The following SRPX variants were observed in gnomAD, a reference collection of about 807,000 sequenced individuals.
SRPX encodes the protein sushi repeat containing protein X-linked.
A neutral mutation model predicts 38.1 loss-of-function variants in SRPX; 24 were observed. That is an observed-to-expected ratio of 0.63 (90% CI 0.46 to 0.89). SRPX has a LOEUF of 0.89. Among genes scored for constraint, SRPX ranks in the 40% least tolerant of loss-of-function variants. The pLI, the probability that SRPX is intolerant of heterozygous loss-of-function variation, is 0.00. For missense variants in SRPX, 416 were observed against 377.8 expected (o/e 1.10, Z -0.84); for synonymous variants, 184 against 153.8 (o/e 1.20, Z -1.45).
At chrX:38,182,756 A>G (rs1938695265) in intron 1 of SRPX, among the ~76,000 whole-genome samples, 1 of 111,732 alleles carries the variant, frequency 8.9e-6, no homozygotes, top group Admixed American at 9.5e-5. Context: ...GCTATTGTGT[A>G]AGGATAAACG....
chrX:38,220,866 G>A lies in SRPX; in HGVS notation c.-74C>T, dbSNP rs1028496065. On this transcript the variant is annotated 5_prime_UTR_variant, in exon 1 of 10. Coordinates refer to ENST00000378533, the MANE Select transcript of SRPX (RefSeq NM_006307.5). ...GGCGGCAGGAGACCGAAGAGACCAAGGGACTGCGTGCTAGCGGGCGGGCGA... is the reference window on the plus strand; with the variant it reads ...GGCGGCAGGAGACCGAAGAGACCAAAGGACTGCGTGCTAGCGGGCGGGCGA... The A allele has an allele frequency of 2.3e-5, 24 of 1,047,470 alleles. No individual in the cohort carries two copies. The East Asian group carries it at 8.9e-4, about 39-fold the overall frequency. 86.3% of individuals were successfully genotyped at this position (1,047,470 alleles called of 1,213,427 possible).
At chrX:38,194,875 T>G (rs1303966606) in intron 1 of SRPX, among the ~76,000 whole-genome samples, 3 of 88,662 alleles carry the variant, frequency 3.4e-5, no homozygotes, top group Non-Finnish European at 6.7e-5. Flanking sequence ...TTTTTTTTTT[T>G]TTTTTTTTTT....
At chrX:38,174,037 G>T in intron 3 of SRPX, 123 bp downstream of exon 3, 1 of 489,172 alleles carries the variant, frequency 2.0e-6, no homozygotes, top group Non-Finnish European at 3.0e-6. Flanking sequence ...AATCCCCCTG[G>T]TGTCCCCCTG....
intron 8 of SRPX, among the ~76,000 whole-genome samples, chrX:38,155,129 A>G (rs1324450146): frequency 8.9e-6 from 1 of 111,747 alleles, no homozygotes. Flanking sequence ...GGCAATAAAA[A>G]AAAAAAAAGT....
chrX:38,220,787 C>G lies in SRPX; in HGVS notation c.6G>C (p.Gly2=), dbSNP rs1239209817. ...GCAGCGCGGGCCGATGTGCGGGGCTCCCCATGGCGAGCGGGCGCTTAGCTC... is the reference window on the plus strand; with the variant it reads ...GCAGCGCGGGCCGATGTGCGGGGCTGCCCATGGCGAGCGGGCGCTTAGCTC... The part of the protein sequence containing the change: M[G]SPAHRPALLL... The change falls in exon 1 of 10, where the codon GGG becomes GGC. Residue 2 remains glycine, a synonymous_variant. Coordinates refer to ENST00000378533, the MANE Select transcript of SRPX (RefSeq NM_006307.5). The G allele has an allele frequency of 9.1e-7, 1 of 1,103,069 alleles. No homozygotes were observed. Among genetic ancestry groups the G allele is most frequent in the East Asian group, 3.6e-5 (1 of 27,876 alleles). The allele number at this position is 1,103,069 out of a possible 1,213,427, so 90.9% of individuals were successfully genotyped here. A position where few individuals can be genotyped will look rare whatever the true frequency, so the allele number is the denominator to read the frequency against.
At chrX:38,176,959 G>T (rs757622792) in intron 2 of SRPX, among the ~76,000 whole-genome samples, 2 of 111,302 alleles carry the variant, frequency 1.8e-5, no homozygotes, top group South Asian at 7.6e-4. Context: ...TTCAGGGTAA[G>T]TTCTAGGGCA....
intron 1 of SRPX, among the ~76,000 whole-genome samples, chrX:38,220,154 C>T (rs1411842399): frequency 8.8e-6 from 1 of 113,465 alleles, no homozygotes; most frequent in African/African-American, 3.2e-5. Flanking sequence ...CAGACTTTCT[C>T]GGAATCCCCA....
At chrX:38,188,697 T>G (rs781185683) in intron 1 of SRPX, among the ~76,000 whole-genome samples, 1 of 111,450 alleles carries the variant, frequency 9.0e-6, no homozygotes, top group African/African-American at 3.3e-5. Context: ...TGTGATATAA[T>G]CACCATAATC....
intron 4 of SRPX, among the ~76,000 whole-genome samples, chrX:38,167,892 C>T (rs1010981949): frequency 1.8e-5 from 2 of 111,640 alleles, no homozygotes; most frequent in Admixed American, 1.9e-4. Context: ...TCCCAAGTAG[C>T]TGGGACTACA....
At chrX:38,211,185 AT>A (rs1371536947) in intron 1 of SRPX, among the ~76,000 whole-genome samples, 1 of 111,841 alleles carries the variant, frequency 8.9e-6, no homozygotes, top group Admixed American at 9.5e-5. Flanking sequence ...TATTCTTTTG[AT>A]TTTTTTTCAA....
chrX:38,191,035 C>T (rs1164153926), intron 1 of SRPX, among the ~76,000 whole-genome samples: 1 of 111,307 alleles, frequency 9.0e-6, no homozygotes, highest in East Asian at 2.8e-4. Flanking sequence ...GAGAATGAAG[C>T]CATCAAAGAA....
Position 38,164,827 on chromosome X carries a change from C to T in SRPX, c.595G>A (p.Val199Ile). Residue 199 changes from valine to isoleucine, a missense_variant, in exon 5 of 10, where the codon GTC (valine) becomes ATC (isoleucine). Coordinates refer to ENST00000378533, the MANE Select transcript of SRPX (RefSeq NM_006307.5). Reference sequence around the variant, plus strand: ...TCGGGTGTCTCCCAGGACACCCGGACTGTCAGTTTGTTGGGTTCTGCAATG... The same window carrying T: ...TCGGGTGTCTCCCAGGACACCCGGATTGTCAGTTTGTTGGGTTCTGCAATG... ...ERIAEPNKLT[V>I]RVSWETPEGR... The T allele has an allele frequency of 8.3e-7, 1 of 1,210,269 alleles. No individual in the cohort carries two copies.
At chrX:38,181,185 A>C (rs1938665634) in intron 1 of SRPX, among the ~76,000 whole-genome samples, 10 of 112,358 alleles carry the variant, frequency 8.9e-5, no homozygotes. Flanking sequence ...AAGGACAGGG[A>C]GGCATGGTAG....
chrX:38,216,307 A>G lies in SRPX; in HGVS notation c.97+4389T>C, dbSNP rs965835134. Among the ~76,000 whole-genome samples the G allele has an allele frequency of 9.8e-5, 11 of 112,791 alleles. No homozygotes were observed. In the East Asian group the frequency reaches 2.8e-3, roughly 29 times the overall value. On this transcript the variant is annotated intron_variant, in intron 1 of 9. Coordinates refer to ENST00000378533, the MANE Select transcript of SRPX (RefSeq NM_006307.5). ...ATGTCTCTATTTCCCCACAAGACAG[A>G]AAGCTACGAGAGAGAAGAAATTGCA... is the stretch of plus-strand genomic sequence containing the variant.
rs2147137472 is a variant in SRPX, at chrX:38,220,712, G to T, written c.81C>A (p.Pro27=). Residue 27 remains proline, a synonymous_variant, in exon 1 of 10, where the codon CCC becomes CCA. Transcript: ENST00000378533. ...CGATCCTACCTGGGAAGCTGCGGCT[G>T]GGCGGGACGCGCAGCAGCAGCAGCA... is the stretch of plus-strand genomic sequence containing the variant. ...LLLLLLLRVP[P]SRSFPGSGDS... is the part of the protein sequence containing the mutation. 2.6e-6 allele frequency: 3 copies of T among 1,171,853 alleles called. No homozygotes were observed. The highest frequency in any genetic ancestry group is 3.7e-5 in the South Asian group (2 of 53,383).
rs186598543 is a variant in SRPX at position 38,195,173 on chromosome X, G to A, written c.98-16829C>T. ...CAGGCATGAGCCACTTTACCCGGCT[G>A]TAAATAATGTATTTTTAGAGATATA... On this transcript the variant is annotated intron_variant, in intron 1 of 9. Coordinates refer to ENST00000378533, the MANE Select transcript of SRPX (RefSeq NM_006307.5). Among the ~76,000 whole-genome samples the A allele has an allele frequency of 8.3e-3, 914 of 110,348 alleles. 31 individuals carry two copies. The highest frequency in any genetic ancestry group is 0.077 in the Admixed American group (798 of 10,347).
Position 38,220,681 on chromosome X carries a change from C to T in SRPX, c.97+15G>A. Reference sequence around the variant, plus strand: ...TGGTGCCCAGCTGAGGAGGCAGCCACGCCTCCGATCCTACCTGGGAAGCTG... The same window carrying T: ...TGGTGCCCAGCTGAGGAGGCAGCCATGCCTCCGATCCTACCTGGGAAGCTG... On this transcript the variant is annotated intron_variant, in intron 1 of 9. Coordinates refer to ENST00000378533, the MANE Select transcript of SRPX (RefSeq NM_006307.5). The T allele has an allele frequency of 2.5e-6, 3 of 1,185,069 alleles. No individual in the cohort carries two copies. The highest frequency in any genetic ancestry group is 3.4e-6 in the Non-Finnish European group (3 of 886,333).
intron 5 of SRPX, among the ~76,000 whole-genome samples, chrX:38,162,295 G>A (rs775408770): frequency 8.9e-6 from 1 of 111,891 alleles, no homozygotes; most frequent in Non-Finnish European, 1.9e-5. Context: ...CAGTAGCTTG[G>A]ATAGGAAATG....
chrX:38,193,075 T>C, intron 1 of SRPX, among the ~76,000 whole-genome samples: 1 of 112,201 alleles, frequency 8.9e-6, no homozygotes, highest in African/African-American at 3.2e-5. Flanking sequence ...TAGACACCAG[T>C]GAGTCCTAAC....
Sources: allele counts gnomAD v4.1 joint callset (sites outside exome capture counted in the v4.1 genomes callset), GRCh38; gene constraint gnomAD v4.1.1; transcripts MANE v1.5; gene names NCBI Gene and HGNC (gene_info 2026-07-23, HGNC 2026-07-21).